The following SORCS1 variants were observed in gnomAD, a reference collection of about 807,000 sequenced individuals.
The protein encoded by SORCS1 is sortilin related VPS10 domain containing receptor 1, also known as VPS10 domain-containing receptor SorCS1.
Under a neutral mutation model 146.1 loss-of-function variants are expected in SORCS1, and 60 were observed. That is an observed-to-expected ratio of 0.41 (90% CI 0.33 to 0.51). The LOEUF (loss-of-function observed/expected upper bound fraction) is 0.51, where lower values mean the gene tolerates loss of function less well. Among genes scored for constraint, SORCS1 ranks in the 20% least tolerant of loss-of-function variants. The probability of loss-of-function intolerance (pLI) is 0.21; values close to 1 mark genes in which losing one functional copy is unlikely to be tolerated. For synonymous variants in SORCS1, 637 were observed against 584.0 expected (o/e 1.09, Z -1.31); for missense variants, 1,352 against 1,487.6 (o/e 0.91, Z 1.50).
At chr10:106,605,842 G>C (rs188931147) in intron 23 of SORCS1, among the ~76,000 whole-genome samples, 67 of 152,280 alleles carry the variant, frequency 4.4e-4, no homozygotes, top group African/African-American at 1.5e-3. Context: ...AAAAGTGGCA[G>C]CTGAAAAGAA....
In SORCS1 at chr10:106,671,404, T is replaced by C. The variant is rs920458351; in HGVS notation, c.2059-37A>G. The C allele has an allele frequency of 3.1e-6, 5 of 1,612,380 alleles. No individual in the cohort carries two copies. The African/African-American group carries it at 6.7e-5, about 21-fold the overall frequency. On this transcript the variant is annotated intron_variant, in intron 15 of 25. Transcript: ENST00000263054. ...GAAGGATCACAGATACTTGGGCACA[T>C]AGCTTGGACTTTCTCTGCTCCACAT... is the stretch of plus-strand genomic sequence containing the variant.
intron 6 of SORCS1, among the ~76,000 whole-genome samples, chr10:106,711,357 A>C (rs1443630490): frequency 6.6e-6 from 1 of 152,346 alleles, no homozygotes; most frequent in East Asian, 1.9e-4. Context: ...ATTTACAGGA[A>C]ATAGAGGTGG....
At chr10:107,171,856 A>T in the SORCS1 span, among the ~76,000 whole-genome samples, 1 of 152,194 alleles carries the variant, frequency 6.6e-6, no homozygotes, top group Non-Finnish European at 1.5e-5. Context: ...TGGAGATACT[A>T]TAGAGTGTGA....
Position 106,652,568 on chromosome 10 carries a change from G to T in SORCS1, c.2304-15C>A. On this transcript the variant is annotated splice_polypyrimidine_tract_variant and intron_variant, in intron 17 of 25. Transcript: ENST00000263054. ...CCTTCCTGTACCTAAATGGAAAAAA[G>T]CTCAAGTCGTAAACCAGCTCATTAT... 1 of 1,609,190 alleles carries T rather than the reference G, an allele frequency of 6.2e-7. No homozygotes were observed. Among genetic ancestry groups the T allele is most frequent in the Non-Finnish European group, 8.5e-7 (1 of 1,176,148 alleles).
intron 18 of SORCS1, among the ~76,000 whole-genome samples, chr10:106,647,025 A>G (rs755114930): frequency 0.026 from 3,851 of 146,236 alleles, 110 homozygotes; most frequent in Non-Finnish European, 0.044. Flanking sequence ...ATATATATAT[A>G]TATATATATA....
intron 2 of SORCS1, among the ~76,000 whole-genome samples, chr10:106,891,414 CAAATATATGAAT>C (rs1951224061): frequency 6.6e-6 from 1 of 150,926 alleles, no homozygotes; most frequent in Non-Finnish European, 1.5e-5. Flanking sequence ...GAGTAGGTAT[CAAATATATGAAT>C]GAATGGACAG....
chr10:106,910,434 G>C (rs895550859), intron 2 of SORCS1, among the ~76,000 whole-genome samples: 5 of 151,936 alleles, frequency 3.3e-5, no homozygotes, highest in African/African-American at 1.2e-4. Flanking sequence ...GAGAGGAAAA[G>C]GTGCTCATCT....
At chr10:106,800,533 TTTTTTTA>T (rs1340932177) in intron 3 of SORCS1, among the ~76,000 whole-genome samples, 11 of 128,446 alleles carry the variant, frequency 8.6e-5, no homozygotes, top group Admixed American at 6.9e-4. Context: ...TTTTTTTTTT[TTTTTTTA>T]AGATGGAGTC....
At chr10:106,601,658 G>T (rs1005870145) in intron 23 of SORCS1, among the ~76,000 whole-genome samples, 11 of 152,266 alleles carry the variant, frequency 7.2e-5, no homozygotes, top group Non-Finnish European at 1.0e-4. Flanking sequence ...AATCAAGAAA[G>T]GTCAATTTTT....
intron 23 of SORCS1, among the ~76,000 whole-genome samples, chr10:106,599,937 A>G (rs946723730): frequency 6.6e-6 from 1 of 151,736 alleles, no homozygotes; most frequent in African/African-American, 2.4e-5. Flanking sequence ...ACATCCGGCT[A>G]TTTTGTTGTT....
At position 106,960,563 on chromosome 10, in the gene SORCS1, C is replaced by A. The variant is rs2139053254; in HGVS notation, c.559-3983G>T. 6.6e-6 allele frequency among the ~76,000 whole-genome samples: 1 copy of A among 152,138 alleles called. No homozygotes were observed. The highest frequency in any genetic ancestry group is 1.9e-4 in the East Asian group (1 of 5,174). ...GAGACTACAGGTGCGCCACCACACC[C>A]AGCTAATTTTTGTACTTTTAGTAGA... On this transcript the variant is annotated intron_variant, in intron 1 of 25. Transcript: ENST00000263054. This position sits in a 1 kb window ranked among gnomAD's most constrained non-coding sequence, Gnocchi z 4.4.
At chr10:106,765,061 AT>A (rs1282100328) in intron 4 of SORCS1, among the ~76,000 whole-genome samples, 1 of 147,250 alleles carries the variant, frequency 6.8e-6, no homozygotes, top group African/African-American at 2.5e-5. Context: ...CTTGGGTTTG[AT>A]TTTGTTTAGC....
At chr10:106,650,328 T>C (rs774876149) in intron 18 of SORCS1, among the ~76,000 whole-genome samples, 1 of 152,184 alleles carries the variant, frequency 6.6e-6, no homozygotes, top group Non-Finnish European at 1.5e-5. Context: ...ACTCCTAGGA[T>C]AGAGATTTCC....
intron 2 of SORCS1, among the ~76,000 whole-genome samples, chr10:106,883,385 C>T (rs1001846628): frequency 7.9e-5 from 12 of 151,870 alleles, no homozygotes; most frequent in African/African-American, 2.7e-4. Flanking sequence ...AGCTAAAGTG[C>T]AACATCATTT....
intron 17 of SORCS1, among the ~76,000 whole-genome samples, chr10:106,663,723 C>T (rs1401347695): frequency 6.6e-6 from 1 of 152,196 alleles, no homozygotes; most frequent in Non-Finnish European, 1.5e-5. Flanking sequence ...ACAGACACTG[C>T]TAATGTGAAT....
intron 1 of SORCS1, among the ~76,000 whole-genome samples, chr10:107,059,828 T>C (rs1334377159): frequency 1.3e-5 from 2 of 151,038 alleles, no homozygotes; most frequent in East Asian, 3.9e-4. Context: ...AGCCAGAGAG[T>C]AGAGACCCTA....
At chr10:106,578,910 G>A in intron 25 of SORCS1, 2 of 1,421,340 alleles carry the variant, frequency 1.4e-6, no homozygotes, top group South Asian at 3.2e-5. Flanking sequence ...ATAGAAGCAA[G>A]AGGTTTGTTT....
In SORCS1 at chr10:106,893,458, T is replaced by A. The variant is rs918854602; in HGVS notation, c.626+63055A>T. On this transcript the variant is annotated intron_variant, in intron 2 of 25. Coordinates refer to ENST00000263054, the MANE Select transcript of SORCS1 (RefSeq NM_052918.5). ...GGCAGGGGCTATGTACTTCTCATAA[T>A]TCATGTATTATCTGCACCTAGCACA... 2.6e-5 allele frequency among the ~76,000 whole-genome samples: 4 copies of A among 152,222 alleles called. No homozygotes were observed. In the East Asian group the frequency reaches 7.7e-4, roughly 29 times the overall value.
intron 1 of SORCS1, among the ~76,000 whole-genome samples, chr10:107,093,277 G>A (rs1384102535): frequency 5.3e-5 from 8 of 152,050 alleles, no homozygotes; most frequent in South Asian, 2.1e-4. Context: ...AAACATCTCC[G>A]GTCTGAAACA....
Sources: gnomAD v4.1 joint callset for allele counts (sites outside exome capture counted in the v4.1 genomes callset) on GRCh38, gnomAD v4.1.1 for gene constraint, Gnocchi (gnomAD v3.1) non-coding constraint, MANE v1.5 for transcripts, NCBI Gene and HGNC (gene_info 2026-07-23, HGNC 2026-07-21) for gene names.